The following CACNG2 variants were observed in gnomAD, a reference collection of about 807,000 sequenced individuals.
CACNG2 encodes the protein voltage-dependent calcium channel gamma-2 subunit.
Under a neutral mutation model 25.9 loss-of-function variants are expected in CACNG2, and 3 were observed. That is an observed-to-expected ratio of 0.12 (90% CI 0.05 to 0.30). The LOEUF is 0.30. CACNG2 is among the 10% of genes least tolerant of loss of function. The pLI is 1.00. For missense variants in CACNG2, 341 were observed against 432.5 expected (o/e 0.79, Z 1.88); for synonymous variants, 167 against 173.3 (o/e 0.96, Z 0.29).
chr22:36,587,332 G>A (rs1213005854), intron 2 of CACNG2, 133 bp downstream of exon 2: 1 of 762,986 alleles, frequency 1.3e-6, no homozygotes, highest in African/African-American at 1.7e-5. Context: ...CTCCGGAAAG[G>A]AGAGAGGCTT....
chr22:36,674,799 G>T (rs1937000296), intron 1 of CACNG2, among the ~76,000 whole-genome samples: 1 of 152,192 alleles, frequency 6.6e-6, no homozygotes, highest in African/African-American at 2.4e-5. Flanking sequence ...TGCACAGTGG[G>T]CACCTGAGCC....
chr22:36,622,015 G>A (rs1936113096), intron 1 of CACNG2, among the ~76,000 whole-genome samples: 1 of 152,212 alleles, frequency 6.6e-6, no homozygotes, highest in Non-Finnish European at 1.5e-5. Flanking sequence ...CTCTGCTCAA[G>A]GCTTTCTATC....
intron 1 of CACNG2, among the ~76,000 whole-genome samples, chr22:36,686,891 G>A (rs1937207395): frequency 1.3e-5 from 2 of 152,164 alleles, no homozygotes; most frequent in Admixed American, 6.5e-5. Flanking sequence ...ACAGAAACTC[G>A]AGTTTTCCTC....
intron 1 of CACNG2, among the ~76,000 whole-genome samples, chr22:36,637,882 C>T (rs1212900762): frequency 6.6e-6 from 1 of 152,064 alleles, no homozygotes; most frequent in East Asian, 1.9e-4. Context: ...ATTAGTGGGG[C>T]ATGGTGGCAG....
intron 1 of CACNG2, among the ~76,000 whole-genome samples, chr22:36,621,056 A>T (rs1936096607): frequency 6.6e-6 from 1 of 152,248 alleles, no homozygotes; most frequent in Non-Finnish European, 1.5e-5. Context: ...GAGCAATTCA[A>T]GGCCAAAAAG....
At chr22:36,658,065 T>A (rs1350767954) in intron 1 of CACNG2, among the ~76,000 whole-genome samples, 2 of 152,114 alleles carry the variant, frequency 1.3e-5, no homozygotes, top group African/African-American at 4.8e-5. Context: ...AATAAGTGCA[T>A]CATTACCAAG....
chr22:36,667,680 C>T (rs1446178449), intron 1 of CACNG2, among the ~76,000 whole-genome samples: 1 of 152,180 alleles, frequency 6.6e-6, no homozygotes, highest in East Asian at 1.9e-4. Context: ...CCCTTTGAGA[C>T]AAAGAGCCTG....
chr22:36,678,101 C>T (rs574286240), intron 1 of CACNG2, among the ~76,000 whole-genome samples: 1 of 152,230 alleles, frequency 6.6e-6, no homozygotes, highest in South Asian at 2.1e-4. Flanking sequence ...TGGTGGTATG[C>T]TGAAACCCCA....
At chr22:36,649,830 C>T (rs1325369340) in intron 1 of CACNG2, among the ~76,000 whole-genome samples, 1 of 152,214 alleles carries the variant, frequency 6.6e-6, no homozygotes, top group Non-Finnish European at 1.5e-5. Context: ...TAAGACATCC[C>T]TTTGCTCTTC....
intron 2 of CACNG2, among the ~76,000 whole-genome samples, chr22:36,574,942 A>G (rs1216661311): frequency 6.6e-6 from 1 of 152,222 alleles, no homozygotes; most frequent in Non-Finnish European, 1.5e-5. Context: ...TGTGGAGCAC[A>G]GGGGTGCCAT....
chr22:36,701,772 T>C (rs1937414436), intron 1 of CACNG2, among the ~76,000 whole-genome samples: 3 of 152,162 alleles, frequency 2.0e-5, no homozygotes, highest in Non-Finnish European at 4.4e-5. Flanking sequence ...TCGAGTGATA[T>C]GTGTGGCTCA....
intron 1 of CACNG2, among the ~76,000 whole-genome samples, chr22:36,591,042 AT>A (rs566209446): frequency 0.047 from 6,846 of 146,152 alleles, 257 homozygotes; most frequent in Admixed American, 0.095. Context: ...GGGGAGATAT[AT>A]TTTTTTTTTT....
At chr22:36,670,892 A>T (rs1000466868) in intron 1 of CACNG2, among the ~76,000 whole-genome samples, 1 of 150,996 alleles carries the variant, frequency 6.6e-6, no homozygotes, top group African/African-American at 2.4e-5. Context: ...AGGCAGTCAG[A>T]ATTGCAGGCC....
intron 1 of CACNG2, among the ~76,000 whole-genome samples, chr22:36,621,153 A>C (rs1936097483): frequency 6.6e-6 from 1 of 152,256 alleles, no homozygotes; most frequent in South Asian, 2.1e-4. Flanking sequence ...AAACTACTAA[A>C]GAAACCAGGA....
At chr22:36,679,154 C>A (rs994464481) in intron 1 of CACNG2, among the ~76,000 whole-genome samples, 1 of 92,348 alleles carries the variant, frequency 1.1e-5, no homozygotes, top group Non-Finnish European at 2.2e-5. Flanking sequence ...TCCTTCCTTC[C>A]TTCCTTCCTT....
intron 1 of CACNG2, among the ~76,000 whole-genome samples, chr22:36,671,391 T>C (rs1936946931): frequency 6.6e-6 from 1 of 152,204 alleles, no homozygotes; most frequent in South Asian, 2.1e-4. Flanking sequence ...CCCAGAATTG[T>C]TCCACTCATT....
intron 2 of CACNG2, among the ~76,000 whole-genome samples, chr22:36,574,074 T>A (rs1240919672): frequency 6.6e-6 from 1 of 151,914 alleles, no homozygotes; most frequent in African/African-American, 2.4e-5. Context: ...GGCAGGCGGG[T>A]CTGGGCCACG....
rs1316552869 is a variant in CACNG2, at chr22:36,594,947, T to C, written c.212-7399A>G. 6.6e-5 allele frequency among the ~76,000 whole-genome samples: 10 copies of C among 150,796 alleles called. No individual in the cohort carries two copies. The East Asian group carries it at 1.9e-3, about 29-fold the overall frequency. On this transcript the variant is annotated intron_variant, in intron 1 of 3. Transcript: ENST00000300105. ...GTGTGTGCATGTGTGTTTGTGTGTGTCTGTGTCTGTATGTGGGTAGTTTTG... is the reference window on the plus strand; with the variant it reads ...GTGTGTGCATGTGTGTTTGTGTGTGCCTGTGTCTGTATGTGGGTAGTTTTG...
chr22:36,588,843 T>C (rs1240849553), intron 1 of CACNG2, among the ~76,000 whole-genome samples: 1 of 152,188 alleles, frequency 6.6e-6, no homozygotes, highest in African/African-American at 2.4e-5. Flanking sequence ...TAGTAGCTAC[T>C]GTGACCTAAT....
Sources: gnomAD v4.1 joint callset for allele counts (sites outside exome capture counted in the v4.1 genomes callset) on GRCh38, gnomAD v4.1.1 for gene constraint, MANE v1.5 for transcripts, NCBI Gene and HGNC (gene_info 2026-07-23, HGNC 2026-07-21) for gene names.